The following DOCK4 variants were observed in gnomAD, a reference collection of about 807,000 sequenced individuals.
The protein encoded by DOCK4 is dedicator of cytokinesis 4.
DOCK4 carries 97 observed loss-of-function variants against 268.1 expected under a neutral mutation model. The ratio of observed to expected loss-of-function variants is 0.36; its 90% confidence interval spans 0.31 to 0.43. The LOEUF is 0.43. DOCK4 is among the 20% of genes least tolerant of loss of function. The pLI, the probability that DOCK4 is intolerant of heterozygous loss-of-function variation, is 1.00. For missense variants in DOCK4, 2,145 were observed against 2,455.7 expected (o/e 0.87, Z 2.67); for synonymous variants, 954 against 887.2 (o/e 1.08, Z -1.34).
intron 40 of DOCK4, among the ~76,000 whole-genome samples, chr7:111,759,273 A>C (rs995900502): frequency 6.6e-6 from 1 of 152,156 alleles, no homozygotes; most frequent in Admixed American, 6.5e-5. Flanking sequence ...GATGACTTAC[A>C]TTTATCTGTG....
intron 42 of DOCK4, 73 bp downstream of exon 42, chr7:111,755,442 A>G (rs1796958408): frequency 1.4e-6 from 2 of 1,427,078 alleles, no homozygotes; most frequent in Admixed American, 1.7e-5. Context: ...AAGGAGAAGT[A>G]ATGAATATAC....
At chr7:111,800,299 T>C (rs115396538) in intron 30 of DOCK4, among the ~76,000 whole-genome samples, 3,198 of 151,602 alleles carry the variant, frequency 0.021, 128 homozygotes, top group African/African-American at 0.073. Context: ...AAAGTTTAAG[T>C]ATGTTGTAGT....
chr7:111,766,934 T>C (rs894309376), intron 38 of DOCK4, 98 bp downstream of exon 38: 49 of 889,452 alleles, frequency 5.5e-5, no homozygotes, highest in Non-Finnish European at 8.6e-5. Flanking sequence ...TTAAAAAGGG[T>C]TTCTGCAAGA....
At chr7:112,140,064 C>T (rs191211326) in intron 1 of DOCK4, among the ~76,000 whole-genome samples, 1 of 152,262 alleles carries the variant, frequency 6.6e-6, no homozygotes, top group East Asian at 1.9e-4. Context: ...AAGGCACCAA[C>T]AGAACCAAGA....
chr7:111,946,381 G>A (rs1382573653), intron 8 of DOCK4, among the ~76,000 whole-genome samples: 1 of 152,184 alleles, frequency 6.6e-6, no homozygotes, highest in Non-Finnish European at 1.5e-5. Flanking sequence ...GCCACCGGGA[G>A]CTGCGGTGGC....
At chr7:111,979,532 A>G (rs903806073) in intron 7 of DOCK4, among the ~76,000 whole-genome samples, 1 of 150,896 alleles carries the variant, frequency 6.6e-6, no homozygotes, top group Non-Finnish European at 1.5e-5. Flanking sequence ...TCATAAAAAT[A>G]CACCTCTAAC....
chr7:112,145,556 G>C (rs987899467), intron 1 of DOCK4, among the ~76,000 whole-genome samples: 2 of 152,172 alleles, frequency 1.3e-5, no homozygotes, highest in African/African-American at 2.4e-5. Context: ...CAGAGGATGA[G>C]AAATTCCAAA....
At chr7:111,930,468 T>C (rs144011786) in intron 12 of DOCK4, among the ~76,000 whole-genome samples, 196 of 152,316 alleles carry the variant, frequency 1.3e-3, no homozygotes, top group African/African-American at 4.5e-3. Flanking sequence ...CCGAAACCAA[T>C]TTCAAAGTTG....
chr7:112,066,676 C>CATATATATACATATAT (rs202049412), intron 1 of DOCK4, among the ~76,000 whole-genome samples: 1 of 52,088 alleles, frequency 1.9e-5, no homozygotes, highest in Non-Finnish European at 3.0e-5. Context: ...TATACATATA[C>CATATATATACATATAT]ATATATACAT....
At chr7:111,898,712 A>G (rs1790875748) in intron 15 of DOCK4, among the ~76,000 whole-genome samples, 1 of 152,198 alleles carries the variant, frequency 6.6e-6, no homozygotes. Context: ...TTGGTTATTC[A>G]TAGTTTGTGG....
chr7:111,993,450 C>G (rs1226655702), intron 5 of DOCK4, among the ~76,000 whole-genome samples: 2 of 152,318 alleles, frequency 1.3e-5, no homozygotes, highest in East Asian at 3.9e-4. Flanking sequence ...AACCCCAGCT[C>G]AGCCATTTTC....
At chr7:112,106,816 G>A (rs370255358) in intron 1 of DOCK4, among the ~76,000 whole-genome samples, 1 of 152,126 alleles carries the variant, frequency 6.6e-6, no homozygotes, top group East Asian at 1.9e-4. Flanking sequence ...TTTCGACCTT[G>A]AGTTTATAAG....
At chr7:112,188,658 T>A (rs1274618819) in intron 1 of DOCK4, among the ~76,000 whole-genome samples, 1 of 152,190 alleles carries the variant, frequency 6.6e-6, no homozygotes, top group Non-Finnish European at 1.5e-5. Context: ...CCACTTAAAG[T>A]AGAAGCATGT....
At chr7:112,165,972 C>A (rs567505157) in intron 1 of DOCK4, among the ~76,000 whole-genome samples, 1 of 152,134 alleles carries the variant, frequency 6.6e-6, no homozygotes, top group African/African-American at 2.4e-5. Flanking sequence ...CCTACAAGCA[C>A]CACTGCTGTT....
intron 1 of DOCK4, among the ~76,000 whole-genome samples, chr7:112,122,992 G>C (rs1187841598): frequency 6.6e-6 from 1 of 152,172 alleles, no homozygotes; most frequent in East Asian, 1.9e-4. Context: ...ATTACTCAGG[G>C]CAAAGGCATA....
chr7:111,961,830 C>G (rs1796922844), intron 8 of DOCK4, among the ~76,000 whole-genome samples: 1 of 152,184 alleles, frequency 6.6e-6, no homozygotes, highest in African/African-American at 2.4e-5. Flanking sequence ...TTCAGACCAT[C>G]ATCTATGGGG....
At chr7:111,832,844 A>G (rs1269171307) in intron 26 of DOCK4, among the ~76,000 whole-genome samples, 1 of 152,240 alleles carries the variant, frequency 6.6e-6, no homozygotes, top group African/African-American at 2.4e-5. Context: ...TAAAGAGGGT[A>G]ATATAATTGT....
chr7:111,849,341 C>T (rs1804363203), intron 23 of DOCK4, among the ~76,000 whole-genome samples: 1 of 150,358 alleles, frequency 6.7e-6, no homozygotes, highest in Non-Finnish European at 1.5e-5. Context: ...TGGCTCACTG[C>T]AACCTCTGCC....
intron 21 of DOCK4, among the ~76,000 whole-genome samples, chr7:111,868,830 T>C (rs1806192812): frequency 6.6e-6 from 1 of 152,198 alleles, no homozygotes; most frequent in South Asian, 2.1e-4. Flanking sequence ...TTTTAAAAAA[T>C]AATTTTGTTT....
Sources: allele counts gnomAD v4.1 joint callset (sites outside exome capture counted in the v4.1 genomes callset), GRCh38; gene constraint gnomAD v4.1.1; transcripts MANE v1.5; gene names NCBI Gene and HGNC (gene_info 2026-07-23, HGNC 2026-07-21).